The following PLXNA4 variants were observed in gnomAD, a reference collection of about 807,000 sequenced individuals.
PLXNA4 encodes plexin-A4.
A neutral mutation model predicts 191.8 loss-of-function variants in PLXNA4; 44 were observed. That is an observed-to-expected ratio of 0.23 (90% CI 0.18 to 0.29). The LOEUF (loss-of-function observed/expected upper bound fraction) is 0.29. Among genes scored for constraint, PLXNA4 ranks in the 10% least tolerant of loss-of-function variants. The pLI, the probability that PLXNA4 is intolerant of heterozygous loss-of-function variation, is 1.00. For synonymous variants in PLXNA4, 1,082 were observed against 1,009.5 expected, an observed-to-expected ratio of 1.07 and a Z score of -1.36; for missense variants, 1,800 against 2,488.8, an observed-to-expected ratio of 0.72 and a Z score of 5.89.
intron 4 of PLXNA4, chr7:132,264,048 T>G (rs1799753880): frequency 6.6e-6 from 1 of 152,206 alleles, no homozygotes; most frequent in Non-Finnish European, 1.5e-5. Flanking sequence ...TTTCCTTTTT[T>G]GTTCATCTGC....
At chr7:132,370,800 T>A (rs1404646210) in intron 3 of PLXNA4, among the ~76,000 whole-genome samples, 4 of 152,202 alleles carry the variant, frequency 2.6e-5, no homozygotes, top group Non-Finnish European at 4.4e-5. Flanking sequence ...TGGGTGTGAC[T>A]GAGCTAGGCC....
chr7:132,384,055 C>T (rs1164682617), intron 3 of PLXNA4: 30 of 985,364 alleles, frequency 3.0e-5, no homozygotes, highest in Non-Finnish European at 3.6e-5. Flanking sequence ...GAGGGGTTGC[C>T]TGCTCTCACT....
chr7:132,406,376 T>C (rs1794220272), intron 3 of PLXNA4, among the ~76,000 whole-genome samples: 1 of 152,226 alleles, frequency 6.6e-6, no homozygotes, highest in Admixed American at 6.5e-5. Flanking sequence ...ACTCCAATTG[T>C]GGCTTATTTC....
rs1419807981 is a variant in PLXNA4 at position 132,128,565 on chromosome 7, C to CT, written c.*1913_*1914insA. 6.6e-6 allele frequency: 1 copy of CT among 152,190 alleles called. No individual in the cohort carries two copies. The highest frequency in any genetic ancestry group is 2.4e-5 in the African/African-American group (1 of 41,430). 9.4% of individuals were successfully genotyped at this position (152,190 alleles called of 1,614,324 possible). A position where few individuals can be genotyped will look rare whatever the true frequency, so the allele number is the denominator to read the frequency against. ...GGGGAACACTTCAAAAATCCTCCTA[C>CT]AAAGGACAAGAAATCCTTTTGAGCT... On this transcript the variant is annotated 3_prime_UTR_variant, in exon 32 of 32. Transcript: ENST00000321063.
Position 132,228,430 on chromosome 7 carries a change from G to A in PLXNA4, c.1644C>T (p.Pro548=). 2 of 1,614,134 alleles carry A rather than the reference G, an allele frequency of 1.2e-6. No individual in the cohort carries two copies. Among genetic ancestry groups the A allele is most frequent in the Non-Finnish European group, 1.7e-6 (2 of 1,180,028 alleles). Residue 548 remains proline, a synonymous_variant, in exon 6 of 32, where the codon CCC becomes CCT. Coordinates refer to ENST00000321063, the MANE Select transcript of PLXNA4 (RefSeq NM_020911.2). The stretch of plus-strand genomic sequence containing the variant: ...GCTTCATCTCCGAGGCAAACCTGCG[G>A]GGCTCCTTGGACCGCTCACACCGCT... ...RKERCERSKE[P]RRFASEMKQC...
intron 3 of PLXNA4, among the ~76,000 whole-genome samples, chr7:132,424,964 A>C (rs1563091275): frequency 1.3e-5 from 2 of 152,120 alleles, no homozygotes; most frequent in African/African-American, 4.8e-5. Flanking sequence ...GCATCACGGC[A>C]CCTGGGTGGG....
intron 3 of PLXNA4, among the ~76,000 whole-genome samples, chr7:132,434,833 T>C (rs1258732596): frequency 1.3e-5 from 2 of 152,140 alleles, no homozygotes; most frequent in Non-Finnish European, 2.9e-5. Context: ...AGAGGATTAG[T>C]CTCTTGTGTG....
chr7:132,576,721 C>G (rs1300693334), upstream of PLXNA4: 1 of 464,734 alleles, frequency 2.2e-6, no homozygotes, highest in Non-Finnish European at 2.8e-6. The surrounding 1 kb of genome is among the most constrained non-coding windows in gnomAD (Gnocchi z 5.8). Flanking sequence ...TCCGAACACC[C>G]CTTTCCTCCA....
At position 132,147,921 on chromosome 7, in the gene PLXNA4, T is replaced by C; in HGVS notation, c.4843A>G (p.Arg1615Gly). The C allele has an allele frequency of 6.2e-7, 1 of 1,614,162 alleles. No homozygotes were observed. Among genetic ancestry groups the C allele is most frequent in the Non-Finnish European group, 8.5e-7 (1 of 1,180,034 alleles). Residue 1615 changes from arginine (R) to glycine (G), a missense_variant, in exon 27 of 32, where the codon AGG (arginine) becomes GGG (glycine). Coordinates refer to ENST00000321063, the MANE Select transcript of PLXNA4 (RefSeq NM_020911.2). The stretch of plus-strand genomic sequence containing the variant: ...TTACCATATTTACTTGCTGAGGTCC[T>C]GGAGACGGTGGAGTTGTTCACTGCG... ...YNAVNNSTVSRTSASKYENMI... is the reference protein window; with the variant it reads ...YNAVNNSTVSGTSASKYENMI...
chr7:132,164,659 C>G (rs1310034566), intron 23 of PLXNA4, among the ~76,000 whole-genome samples: 1 of 152,050 alleles, frequency 6.6e-6, no homozygotes, highest in African/African-American at 2.4e-5. Context: ...TCCTGGGTGG[C>G]AAGAACTCCT....
At chr7:132,407,340 A>C (rs560118714) in intron 3 of PLXNA4, among the ~76,000 whole-genome samples, 1 of 152,332 alleles carries the variant, frequency 6.6e-6, no homozygotes, top group South Asian at 2.1e-4. Context: ...ATTTTCACAG[A>C]GAGGTGTGTG....
chr7:132,325,789 A>C (rs1035254751), intron 3 of PLXNA4, among the ~76,000 whole-genome samples: 1 of 152,188 alleles, frequency 6.6e-6, no homozygotes. Context: ...TTATTACAGC[A>C]GCCCTAGGAA....
At position 132,281,081 on chromosome 7, in the gene PLXNA4, T is replaced by C. The variant is rs1214587693; in HGVS notation, c.1503+17010A>G. Among the ~76,000 whole-genome samples, 2 of 152,206 alleles carry C rather than the reference T, an allele frequency of 1.3e-5. 1 individual carries two copies. The highest frequency in any genetic ancestry group is 4.1e-4 in the South Asian group (2 of 4,834). ...ATGAGTGATACAAAACATTTTACTA[T>C]CACCAAGAAAATTATTATAATGGTA... On this transcript the variant is annotated intron_variant, in intron 4 of 31. Coordinates refer to ENST00000321063, the MANE Select transcript of PLXNA4 (RefSeq NM_020911.2).
intron 3 of PLXNA4, among the ~76,000 whole-genome samples, chr7:132,462,877 T>C (rs1049145791): frequency 6.9e-6 from 1 of 145,154 alleles, no homozygotes; most frequent in Non-Finnish European, 1.5e-5. Flanking sequence ...GGGACCGAGT[T>C]TTGCTCTTTC....
intron 3 of PLXNA4, among the ~76,000 whole-genome samples, chr7:132,304,871 T>C (rs1342237937): frequency 1.3e-5 from 2 of 148,818 alleles, no homozygotes; most frequent in East Asian, 4.3e-4. Context: ...GTGTGCCCCA[T>C]TGCCCTTACT....
At chr7:132,296,856 G>A (rs1801102027) in intron 4 of PLXNA4, among the ~76,000 whole-genome samples, 1 of 151,840 alleles carries the variant, frequency 6.6e-6, no homozygotes, top group East Asian at 1.9e-4. Context: ...TCCCCTCCCA[G>A]GAAAAAATAC....
chr7:132,152,366 G>A (rs1289974637), intron 25 of PLXNA4, among the ~76,000 whole-genome samples: 2 of 152,168 alleles, frequency 1.3e-5, no homozygotes, highest in Non-Finnish European at 2.9e-5. Flanking sequence ...CAGCACCCTG[G>A]TCCCCTCACG....
At chr7:132,348,684 T>C (rs1006675777) in intron 3 of PLXNA4, among the ~76,000 whole-genome samples, 1 of 152,162 alleles carries the variant, frequency 6.6e-6, no homozygotes. Context: ...AAAGTAAGCA[T>C]AGCCCGAAAT....
At chr7:132,144,869 AACTG>A (rs766261734) in intron 29 of PLXNA4, among the ~76,000 whole-genome samples, 10 of 152,220 alleles carry the variant, frequency 6.6e-5, no homozygotes, top group African/African-American at 1.7e-4. Context: ...AATGTTTGTT[AACTG>A]ACTAAGTGAT....
Sources: gnomAD v4.1 joint callset for allele counts (sites outside exome capture counted in the v4.1 genomes callset) on GRCh38, gnomAD v4.1.1 for gene constraint, Gnocchi (gnomAD v3.1) non-coding constraint, MANE v1.5 for transcripts, NCBI Gene and HGNC (gene_info 2026-07-23, HGNC 2026-07-21) for gene names.